Variants in STPG2 observed in about 807,000 individuals in gnomAD.
STPG2 encodes sperm tail PG-rich repeat containing 2.
STPG2 carries 56 observed loss-of-function variants against 54.2 expected under a neutral mutation model. The ratio of observed to expected loss-of-function variants is 1.03; its 90% CI spans 0.83 to 1.29. The LOEUF is 1.29. STPG2 is among the 50% of genes most tolerant of loss of function. The probability of loss-of-function intolerance (pLI) is 0.00; values close to 1 mark genes in which losing one functional copy is unlikely to be tolerated. For missense variants in STPG2, 596 were observed against 544.9 expected, an observed-to-expected ratio of 1.09 and a Z score of -0.93; for synonymous variants, 200 against 181.8, an observed-to-expected ratio of 1.10 and a Z score of -0.81.
rs1292978345 is a variant in STPG2 at position 97,669,802 on chromosome 4, CA to C, written c.1320+42896del. On this transcript the variant is annotated intron_variant, in intron 10 of 10. Transcript: ENST00000295268. ...TGGGCAACAGAGCGAGACTCCGTCT[CA>C]AAAAAAAAAAAAAAAAGAAAGTTTA... Among the ~76,000 whole-genome samples, 98 of 21,786 alleles carry C rather than the reference CA, an allele frequency of 4.5e-3. 15 individuals are homozygous for C. The highest frequency in any genetic ancestry group is 0.042 in the East Asian group (36 of 852). 14.3% of individuals were successfully genotyped at this position (21,786 alleles called of 152,430 possible).
At chr4:97,457,180 G>C (rs1012122217) in intron 4 of STPG2, among the ~76,000 whole-genome samples, 10 of 152,130 alleles carry the variant, frequency 6.6e-5, no homozygotes, top group Non-Finnish European at 1.3e-4. Context: ...AGCCACTTTG[G>C]AAAGTATTTT....
At chr4:97,796,856 C>T (rs1277714662) in intron 9 of STPG2, among the ~76,000 whole-genome samples, 5 of 152,122 alleles carry the variant, frequency 3.3e-5, no homozygotes, top group Non-Finnish European at 7.3e-5. Context: ...TTGTTTATGT[C>T]CTCTTTTATT....
At chr4:97,573,962 G>C (rs1248650351) in intron 10 of STPG2, among the ~76,000 whole-genome samples, 2 of 151,982 alleles carry the variant, frequency 1.3e-5, no homozygotes, top group African/African-American at 4.8e-5. Context: ...GGGCCTTGAA[G>C]CATGACAAGA....
At chr4:97,533,230 T>A (rs1219134390) in intron 4 of STPG2, among the ~76,000 whole-genome samples, 2 of 151,486 alleles carry the variant, frequency 1.3e-5, no homozygotes, top group Non-Finnish European at 2.9e-5. Flanking sequence ...ACATAAAGAG[T>A]CAAAAAAGCA....
intron 4 of STPG2, among the ~76,000 whole-genome samples, chr4:97,534,612 T>C (rs1731488677): frequency 6.6e-6 from 1 of 152,218 alleles, no homozygotes; most frequent in South Asian, 2.1e-4. Flanking sequence ...GTTCTCTTTT[T>C]AAAATTTTCA....
chr4:97,969,414 T>C (rs531317043), intron 7 of STPG2, among the ~76,000 whole-genome samples: 1 of 152,294 alleles, frequency 6.6e-6, no homozygotes, highest in African/African-American at 2.4e-5. Context: ...CTCACTAACC[T>C]ACCCCTGCCC....
chr4:97,921,711 G>A (rs766663997), intron 8 of STPG2, among the ~76,000 whole-genome samples: 3 of 152,128 alleles, frequency 2.0e-5, no homozygotes, highest in Admixed American at 2.0e-4. Flanking sequence ...GGATAGAAAA[G>A]TTACTGAAAA....
intron 10 of STPG2, among the ~76,000 whole-genome samples, chr4:97,695,494 A>T (rs1723540077): frequency 6.6e-6 from 1 of 152,196 alleles, no homozygotes; most frequent in African/African-American, 2.4e-5. Context: ...TCCTAGTCAG[A>T]GTAATTAGAT....
chr4:97,933,990 C>A (rs1226699077), intron 8 of STPG2, among the ~76,000 whole-genome samples: 1 of 152,192 alleles, frequency 6.6e-6, no homozygotes, highest in Non-Finnish European at 1.5e-5. Flanking sequence ...TTCTTCCCAA[C>A]CATGAGGATG....
intron 5 of STPG2, among the ~76,000 whole-genome samples, chr4:98,028,558 C>T (rs557472847): frequency 6.6e-6 from 1 of 152,264 alleles, no homozygotes; most frequent in Non-Finnish European, 1.5e-5. Flanking sequence ...GTCCATATTT[C>T]TACCAACAGT....
chr4:97,616,861 T>TA (rs1318790482), intron 10 of STPG2, among the ~76,000 whole-genome samples: 3 of 152,072 alleles, frequency 2.0e-5, no homozygotes, highest in South Asian at 2.1e-4. Flanking sequence ...TACCAGATTA[T>TA]AAAATAAGCA....
chr4:97,709,210 A>G (rs1724038913), intron 10 of STPG2, among the ~76,000 whole-genome samples: 2 of 151,762 alleles, frequency 1.3e-5, no homozygotes, highest in Admixed American at 6.6e-5. Flanking sequence ...TCACAGCCAA[A>G]TAAGTGTTTT....
At chr4:97,922,527 A>T (rs1732147652) in intron 8 of STPG2, among the ~76,000 whole-genome samples, 1 of 152,242 alleles carries the variant, frequency 6.6e-6, no homozygotes, top group African/African-American at 2.4e-5. Context: ...TAAGAAAAAA[A>T]GTTGTTTGTA....
At chr4:98,026,164 G>C in intron 5 of STPG2, 1 of 1,418,990 alleles carries the variant, frequency 7.0e-7, no homozygotes, top group Non-Finnish European at 9.9e-7. Context: ...AAGTTAAAAA[G>C]AGGTGGAATC....
intron 5 of STPG2, among the ~76,000 whole-genome samples, chr4:98,035,479 C>T (rs529818722): frequency 9.2e-5 from 14 of 152,260 alleles, no homozygotes; most frequent in South Asian, 2.1e-4. Flanking sequence ...GAAATAGGAA[C>T]GCTCTTCCAC....
intron 4 of STPG2, among the ~76,000 whole-genome samples, chr4:97,505,895 G>C (rs981586459): frequency 6.6e-6 from 1 of 151,246 alleles, no homozygotes; most frequent in Non-Finnish European, 1.5e-5. Flanking sequence ...TTGTACAATG[G>C]CTATCCTATG....
At chr4:97,556,048 C>T (rs1732069923), downstream of STPG2, among the ~76,000 whole-genome samples, 1 of 152,094 alleles carries the variant, frequency 6.6e-6, no homozygotes, top group Non-Finnish European at 1.5e-5. Flanking sequence ...GATTTGAGTA[C>T]AATTTTTAAA....
intron 10 of STPG2, among the ~76,000 whole-genome samples, chr4:97,625,011 A>G (rs1439717498): frequency 6.6e-6 from 1 of 152,178 alleles, no homozygotes; most frequent in Non-Finnish European, 1.5e-5. Flanking sequence ...GTTTGAATGT[A>G]GGTGGCCATA....
At chr4:97,494,736 T>G (rs1578342197) in intron 4 of STPG2, among the ~76,000 whole-genome samples, 1 of 146,918 alleles carries the variant, frequency 6.8e-6, no homozygotes, top group Non-Finnish European at 1.5e-5. Flanking sequence ...ATTTTTTTTT[T>G]GTGGGACATA....
Sources: gnomAD v4.1 joint callset for allele counts (sites outside exome capture counted in the v4.1 genomes callset) on GRCh38, gnomAD v4.1.1 for gene constraint, MANE v1.5 for transcripts, NCBI Gene and HGNC (gene_info 2026-07-23, HGNC 2026-07-21) for gene names.